Variants in PCCA observed in about 807,000 individuals in gnomAD.
The protein encoded by PCCA is propionyl-CoA carboxylase alpha chain, mitochondrial.
A neutral mutation model predicts 101.3 loss-of-function variants in PCCA; 74 were observed. That is an observed-to-expected ratio of 0.73 (90% CI 0.61 to 0.89). The LOEUF (loss-of-function observed/expected upper bound fraction) is 0.89. Ranked by LOEUF, PCCA falls within the 40% of genes least tolerant of loss-of-function variation. The pLI is 0.00. For missense variants in PCCA, 891 were observed against 907.0 expected (o/e 0.98, Z 0.23); for synonymous variants, 294 against 313.6 (o/e 0.94, Z 0.66).
At chr13:100,326,452 G>A (rs760143645) in intron 16 of PCCA, among the ~76,000 whole-genome samples, 5 of 152,180 alleles carry the variant, frequency 3.3e-5, no homozygotes, top group Admixed American at 6.5e-5. Context: ...CTTATTTTAC[G>A]ACATGGACCC....
chr13:100,189,329 A>AAT (rs1278301127), intron 6 of PCCA, among the ~76,000 whole-genome samples: 1 of 152,222 alleles, frequency 6.6e-6, no homozygotes, highest in African/African-American at 2.4e-5. Flanking sequence ...TGCTACTGTG[A>AAT]ATAGTGCCGT....
chr13:100,434,711 C>T (rs945721006), intron 20 of PCCA, among the ~76,000 whole-genome samples: 1 of 152,126 alleles, frequency 6.6e-6, no homozygotes, highest in Non-Finnish European at 1.5e-5. Context: ...CTGCACAATC[C>T]ACGTCTGGCC....
intron 4 of PCCA, among the ~76,000 whole-genome samples, chr13:100,143,659 A>G (rs2052184749): frequency 6.6e-6 from 1 of 152,110 alleles, no homozygotes; most frequent in Non-Finnish European, 1.5e-5. Flanking sequence ...CTTCGGGTAT[A>G]GAATGATTTT....
At chr13:100,134,986 C>A (rs1398462377) in intron 4 of PCCA, among the ~76,000 whole-genome samples, 2 of 150,638 alleles carry the variant, frequency 1.3e-5, no homozygotes, top group Non-Finnish European at 3.0e-5. Context: ...AAGTGATCCT[C>A]CCACCACAGC....
At chr13:100,360,941 G>C (rs565916594) in intron 18 of PCCA, among the ~76,000 whole-genome samples, 1 of 152,088 alleles carries the variant, frequency 6.6e-6, no homozygotes, top group South Asian at 2.1e-4. Flanking sequence ...TGGTATGTCC[G>C]TACAATGGAA....
intron 17 of PCCA, among the ~76,000 whole-genome samples, chr13:100,337,474 T>C (rs2070674591): frequency 6.6e-6 from 1 of 152,216 alleles, no homozygotes; most frequent in African/African-American, 2.4e-5. Flanking sequence ...TCAAGTCCAC[T>C]CTGGCCTGTG....
At chr13:100,361,147 G>A (rs2074532308) in intron 18 of PCCA, among the ~76,000 whole-genome samples, 1 of 152,018 alleles carries the variant, frequency 6.6e-6, no homozygotes, top group Admixed American at 6.6e-5. Flanking sequence ...GGGGAGGGAG[G>A]GGAAATAAAT....
At chr13:100,230,886 G>A (rs1473785048) in intron 7 of PCCA, among the ~76,000 whole-genome samples, 1 of 152,152 alleles carries the variant, frequency 6.6e-6, no homozygotes, top group Non-Finnish European at 1.5e-5. Context: ...CAGATGCTAT[G>A]CCAGAATTCT....
intron 8 of PCCA, among the ~76,000 whole-genome samples, chr13:100,247,783 T>C (rs570028430): frequency 6.6e-6 from 1 of 152,290 alleles, no homozygotes; most frequent in Non-Finnish European, 1.5e-5. Flanking sequence ...CCCAAAGTGC[T>C]GGGATTATAG....
intron 7 of PCCA, among the ~76,000 whole-genome samples, chr13:100,217,305 C>T (rs1405438398): frequency 2.7e-5 from 4 of 146,484 alleles, no homozygotes; most frequent in African/African-American, 7.6e-5. Flanking sequence ...ATTAGCTGGG[C>T]GTGGTGGTGC....
At chr13:100,339,829 G>T (rs1160243244) in intron 17 of PCCA, among the ~76,000 whole-genome samples, 1 of 152,204 alleles carries the variant, frequency 6.6e-6, no homozygotes, top group Non-Finnish European at 1.5e-5. Context: ...GAGAGAAGCA[G>T]ATGTGAGGAG....
intron 18 of PCCA, among the ~76,000 whole-genome samples, chr13:100,354,579 A>G (rs1368289148): frequency 1.3e-5 from 2 of 152,182 alleles, no homozygotes; most frequent in South Asian, 2.1e-4. Context: ...TGTTTGTTGG[A>G]AAGATCACAG....
At chr13:100,172,518 T>C (rs1166820992) in intron 6 of PCCA, among the ~76,000 whole-genome samples, 1 of 152,136 alleles carries the variant, frequency 6.6e-6, no homozygotes, top group Non-Finnish European at 1.5e-5. Context: ...TTTGGGCCCA[T>C]ACGTAAAGAC....
chr13:100,446,106 C>T (rs1382895159), intron 20 of PCCA, among the ~76,000 whole-genome samples: 1 of 152,066 alleles, frequency 6.6e-6, no homozygotes, highest in Non-Finnish European at 1.5e-5. Flanking sequence ...TTGGCACAGT[C>T]GGCTCACTGC....
intron 19 of PCCA, among the ~76,000 whole-genome samples, chr13:100,370,366 A>G (rs1205580966): frequency 6.6e-6 from 1 of 151,772 alleles, no homozygotes; most frequent in Non-Finnish European, 1.5e-5. Context: ...ATCACAGGCG[A>G]GCGTTGCTTC....
At chr13:100,398,810 A>G (rs1166575328) in intron 19 of PCCA, among the ~76,000 whole-genome samples, 1 of 152,176 alleles carries the variant, frequency 6.6e-6, no homozygotes, top group African/African-American at 2.4e-5. Context: ...TTTGTCTTTA[A>G]CCACTACATT....
intron 6 of PCCA, among the ~76,000 whole-genome samples, chr13:100,174,000 A>G (rs1252487350): frequency 2.0e-5 from 3 of 152,170 alleles, no homozygotes; most frequent in Non-Finnish European, 2.9e-5. Context: ...CTTTTTCTTT[A>G]TAAATTACCC....
intron 2 of PCCA, among the ~76,000 whole-genome samples, chr13:100,110,322 A>T (rs1417709728): frequency 6.6e-6 from 1 of 152,208 alleles, no homozygotes; most frequent in Non-Finnish European, 1.5e-5. Context: ...AATTACTTGG[A>T]ATGGTGTGTT....
chr13:100,335,021 C>T lies in PCCA; in HGVS notation c.1540+4350C>T, dbSNP rs186020916. On this transcript the variant is annotated intron_variant, in intron 17 of 23. Transcript: ENST00000376285. ...CTTCTAAAAGAAAAGAAAGAAGATG[C>T]AAGGAATGTACAGTGAGATTATGTT... Among the ~76,000 whole-genome samples the T allele has an allele frequency of 2.1e-4, 32 of 152,168 alleles. 1 individual carries two copies. In the East Asian group the frequency reaches 6.0e-3, roughly 29 times the overall value.
Sources: allele counts gnomAD v4.1 joint callset (sites outside exome capture counted in the v4.1 genomes callset), GRCh38; gene constraint gnomAD v4.1.1; transcripts MANE v1.5; gene names NCBI Gene and HGNC (gene_info 2026-07-23, HGNC 2026-07-21).